TEAD4: variants seen among roughly 807,000 people sequenced by gnomAD.
TEAD4 encodes transcriptional enhancer factor TEF-3.
TEAD4 carries 36 observed loss-of-function variants against 52.4 expected under a neutral mutation model. The ratio of observed to expected loss-of-function variants is 0.69; its 90% confidence interval spans 0.53 to 0.91. TEAD4 has a LOEUF of 0.91. TEAD4 is among the 40% of genes least tolerant of loss of function. TEAD4 has a pLI of 0.00. For synonymous variants in TEAD4, 220 were observed against 231.0 expected (o/e 0.95, Z 0.43); for missense variants, 508 against 583.9 (o/e 0.87, Z 1.34).
chr12:3,003,754 C>T (rs574106226), intron 3 of TEAD4, among the ~76,000 whole-genome samples: 46 of 152,244 alleles, frequency 3.0e-4, no homozygotes, highest in Non-Finnish European at 5.4e-4. Context: ...CCACCCAGGC[C>T]GGCCCTGGGG....
intron 5 of TEAD4, 128 bp from the exon 6 acceptor site, chr12:3,017,270 T>C (rs1313937741): frequency 1.6e-6 from 2 of 1,261,878 alleles, no homozygotes; most frequent in Non-Finnish European, 2.2e-6. Flanking sequence ...CGGCACAGAC[T>C]TAACGCCTGG....
intron 2 of TEAD4, among the ~76,000 whole-genome samples, chr12:2,984,464 A>T (rs2098236448): frequency 6.6e-6 from 1 of 152,104 alleles, no homozygotes; most frequent in Non-Finnish European, 1.5e-5. Flanking sequence ...GAAAGACAGG[A>T]TGTGGTCATT....
chr12:3,026,843 ATATT>A (rs2098272408), intron 10 of TEAD4, among the ~76,000 whole-genome samples: 1 of 152,240 alleles, frequency 6.6e-6, no homozygotes, highest in South Asian at 2.1e-4. Flanking sequence ...CTTCTGTTGA[ATATT>A]TAATTTCGGC....
intron 11 of TEAD4, among the ~76,000 whole-genome samples, chr12:3,039,207 C>T (rs904345709): frequency 1.3e-5 from 2 of 152,226 alleles, no homozygotes; most frequent in Admixed American, 6.5e-5. Flanking sequence ...TTCATCACCC[C>T]TCAGTCTCTA....
intron 3 of TEAD4, among the ~76,000 whole-genome samples, chr12:2,996,392 T>G (rs2098247168): frequency 6.6e-6 from 1 of 151,820 alleles, no homozygotes; most frequent in Admixed American, 6.6e-5. Flanking sequence ...TATTTTTTCC[T>G]TTTTCTTTTC....
chr12:2,967,664 A>T (rs992515691), intron 2 of TEAD4, among the ~76,000 whole-genome samples: 27 of 152,226 alleles, frequency 1.8e-4, no homozygotes, highest in African/African-American at 6.3e-4. Flanking sequence ...AGGAAGAGGG[A>T]AATGAACATT....
At chr12:3,019,781 C>G (rs2098267361) in intron 8 of TEAD4, among the ~76,000 whole-genome samples, 1 of 152,206 alleles carries the variant, frequency 6.6e-6, no homozygotes. Context: ...CCTTGGCTTT[C>G]CCTGCCACCA....
At chr12:3,002,088 T>C (rs981230280) in intron 3 of TEAD4, among the ~76,000 whole-genome samples, 54 of 152,284 alleles carry the variant, frequency 3.5e-4, no homozygotes, top group African/African-American at 1.3e-3. Context: ...TGAGACTCCA[T>C]CTCAAAAAGA....
intron 10 of TEAD4, among the ~76,000 whole-genome samples, chr12:3,023,148 G>A (rs2098269816): frequency 6.6e-6 from 1 of 152,142 alleles, no homozygotes; most frequent in Admixed American, 6.5e-5. Context: ...AAGACACTTA[G>A]CATTTGCGCT....
chr12:2,961,048 G>A (rs1161856790), intron 2 of TEAD4, among the ~76,000 whole-genome samples: 2 of 151,762 alleles, frequency 1.3e-5, no homozygotes, highest in African/African-American at 4.9e-5. Flanking sequence ...GGAGGCTGAA[G>A]GAAGTTGAGA....
chr12:2,970,676 A>G (rs1226292347), intron 2 of TEAD4, among the ~76,000 whole-genome samples: 1 of 152,034 alleles, frequency 6.6e-6, no homozygotes, highest in East Asian at 1.9e-4. Context: ...ATCCTAATCT[A>G]CTCTTTGCTG....
At chr12:3,000,881 C>T (rs11062450) in intron 3 of TEAD4, among the ~76,000 whole-genome samples, 90,184 of 152,100 alleles carry the variant, frequency 0.59, 31,673 homozygotes, top group East Asian at 0.77. Flanking sequence ...AGATAGAGCA[C>T]GTCGAGGGTC....
At chr12:2,995,234 G>A (rs1387428743) in intron 3 of TEAD4, among the ~76,000 whole-genome samples, 1 of 152,152 alleles carries the variant, frequency 6.6e-6, no homozygotes, top group East Asian at 1.9e-4. Flanking sequence ...TCTTGGAAAA[G>A]GCGAATCTGG....
At chr12:3,012,390 G>A (rs1382947045) in intron 5 of TEAD4, among the ~76,000 whole-genome samples, 158 bp downstream of exon 5, 1 of 152,122 alleles carries the variant, frequency 6.6e-6, no homozygotes, top group African/African-American at 2.4e-5. Flanking sequence ...TCTCCCATCC[G>A]CACAAGAGGG....
chr12:2,990,433 A>G (rs1591569233), intron 2 of TEAD4, among the ~76,000 whole-genome samples: 1 of 106,650 alleles, frequency 9.4e-6, no homozygotes, highest in Non-Finnish European at 2.1e-5. Flanking sequence ...TATTTTTTAT[A>G]TCTAGAATTT....
rs34492810 is a variant in TEAD4 at position 2,996,412 on chromosome 12, C to CTTT, written c.226+1431_226+1433dup. ...TTTCCTTTTTCTTTTCTCTCTCTCT[C>CTTT]TTTTTTTTTTTTTGAGATGGAGTTT... On this transcript the variant is annotated intron_variant, in intron 3 of 12. Transcript: ENST00000359864. Among the ~76,000 whole-genome samples, 189 of 145,314 alleles carry CTTT rather than the reference C, an allele frequency of 1.3e-3. 1 individual carries two copies. The East Asian group carries it at 0.014, about 11-fold the overall frequency.
At chr12:3,033,849 G>T (rs550034268) in intron 10 of TEAD4, among the ~76,000 whole-genome samples, 14 of 146,720 alleles carry the variant, frequency 9.5e-5, no homozygotes, top group African/African-American at 3.6e-4. Context: ...AGTGTGGGGG[G>T]ATATGAGGGT....
At chr12:3,007,637 T>C (rs1310911450) in intron 3 of TEAD4, among the ~76,000 whole-genome samples, 3 of 152,240 alleles carry the variant, frequency 2.0e-5, no homozygotes, top group Non-Finnish European at 2.9e-5. Context: ...AGTGGCCAAG[T>C]TGATACATTT....
chr12:3,036,936 A>G (rs2098279773), intron 10 of TEAD4, among the ~76,000 whole-genome samples: 1 of 152,064 alleles, frequency 6.6e-6, no homozygotes, highest in Admixed American at 6.6e-5. Context: ...TCTTTCACTT[A>G]CTAGTTGGAT....
Sources: gnomAD v4.1 joint callset for allele counts (sites outside exome capture counted in the v4.1 genomes callset) on GRCh38, gnomAD v4.1.1 for gene constraint, MANE v1.5 for transcripts, NCBI Gene and HGNC (gene_info 2026-07-23, HGNC 2026-07-21) for gene names.